MACROD2: variants seen among roughly 807,000 people sequenced by gnomAD.
MACROD2 encodes mono-ADP ribosylhydrolase 2, also known as ADP-ribose glycohydrolase MACROD2.
In MACROD2, 36 loss-of-function variants were observed where a neutral mutation model predicts 70.4. The ratio of observed to expected loss-of-function variants is 0.51; its 90% CI spans 0.39 to 0.68. MACROD2 has a LOEUF of 0.68. Ranked by LOEUF, MACROD2 falls within the 30% of genes least tolerant of loss-of-function variation. MACROD2 has a pLI of 0.00. For missense variants in MACROD2, 496 were observed against 538.4 expected, an observed-to-expected ratio of 0.92 and a Z score of 0.78; for synonymous variants, 172 against 178.8, an observed-to-expected ratio of 0.96 and a Z score of 0.30.
chr20:15,284,839 A>G (rs558957142), intron 6 of MACROD2, among the ~76,000 whole-genome samples: 2 of 152,336 alleles, frequency 1.3e-5, no homozygotes, highest in African/African-American at 4.8e-5. Context: ...TAAAATGGGA[A>G]TAACTATACC....
chr20:14,901,249 G>A (rs1365925694), intron 5 of MACROD2, among the ~76,000 whole-genome samples: 1 of 151,906 alleles, frequency 6.6e-6, no homozygotes, highest in Admixed American at 6.6e-5. Context: ...TAGACAAATT[G>A]TTTGAAGTTT....
chr20:15,769,197 G>A (rs1225751269), intron 8 of MACROD2, among the ~76,000 whole-genome samples: 12 of 152,274 alleles, frequency 7.9e-5, no homozygotes. Context: ...ACCCAGGCTG[G>A]AGTGCAGTGG....
intron 8 of MACROD2, among the ~76,000 whole-genome samples, chr20:15,575,058 T>G (rs990406635): frequency 2.0e-5 from 3 of 152,172 alleles, no homozygotes; most frequent in African/African-American, 4.8e-5. Context: ...TACCACGTCT[T>G]TTACTCATCT....
At chr20:15,278,676 G>T (rs984431689) in intron 6 of MACROD2, among the ~76,000 whole-genome samples, 1 of 152,138 alleles carries the variant, frequency 6.6e-6, no homozygotes, top group Non-Finnish European at 1.5e-5. Flanking sequence ...TAACTCTCTG[G>T]GGAGGGGTGG....
intron 8 of MACROD2, among the ~76,000 whole-genome samples, chr20:15,806,460 T>TTTTGTTG: frequency 6.6e-6 from 1 of 152,282 alleles, no homozygotes; most frequent in South Asian, 2.1e-4. Context: ...AACACAAGGC[T>TTTTGTTG]CCCCTGACTT....
At chr20:14,134,690 A>C (rs2054767772) in intron 3 of MACROD2, among the ~76,000 whole-genome samples, 1 of 149,882 alleles carries the variant, frequency 6.7e-6, no homozygotes, top group South Asian at 2.1e-4. Flanking sequence ...GTGTAGTCCC[A>C]GTTACTCAGG....
At chr20:15,635,612 C>CG (rs1158445119) in intron 8 of MACROD2, among the ~76,000 whole-genome samples, 1 of 151,920 alleles carries the variant, frequency 6.6e-6, no homozygotes, top group Non-Finnish European at 1.5e-5. Flanking sequence ...GGGAGGGGAG[C>CG]GAGGGTTAAA....
intron 5 of MACROD2, among the ~76,000 whole-genome samples, chr20:14,903,774 G>A (rs1487546367): frequency 6.6e-6 from 1 of 152,152 alleles, no homozygotes; most frequent in African/African-American, 2.4e-5. Flanking sequence ...CAGATCTGCT[G>A]CATGTGGTCA....
At chr20:15,595,877 G>A (rs2048740268) in intron 8 of MACROD2, among the ~76,000 whole-genome samples, 2 of 152,140 alleles carry the variant, frequency 1.3e-5, no homozygotes, top group Admixed American at 1.3e-4. Context: ...CTTGAGCTAT[G>A]CCAACGTAAT....
intron 5 of MACROD2, among the ~76,000 whole-genome samples, chr20:15,101,269 T>C (rs977806514): frequency 2.0e-5 from 3 of 152,066 alleles, no homozygotes; most frequent in African/African-American, 7.2e-5. Context: ...ACTGAGCCCT[T>C]TTTGTTTTCT....
intron 5 of MACROD2, among the ~76,000 whole-genome samples, chr20:15,165,464 C>G (rs550509981): frequency 4.3e-4 from 66 of 152,122 alleles, no homozygotes; most frequent in Non-Finnish European, 8.5e-4. Flanking sequence ...TAAAAAAGAA[C>G]AACTAGACAC....
chr20:15,865,612 T>G (rs1188294105), intron 9 of MACROD2, among the ~76,000 whole-genome samples: 1 of 152,172 alleles, frequency 6.6e-6, no homozygotes, highest in South Asian at 2.1e-4. Flanking sequence ...ATAGTCACTC[T>G]CCAGGAAAGC....
chr20:15,609,635 C>T (rs1346442632), intron 8 of MACROD2, among the ~76,000 whole-genome samples: 1 of 152,138 alleles, frequency 6.6e-6, no homozygotes, highest in Non-Finnish European at 1.5e-5. Flanking sequence ...TCAATAATGC[C>T]GGAGGACTGT....
At chr20:15,667,563 A>C (rs1303732527) in intron 8 of MACROD2, among the ~76,000 whole-genome samples, 1 of 152,072 alleles carries the variant, frequency 6.6e-6, no homozygotes, top group Non-Finnish European at 1.5e-5. Flanking sequence ...ATTCATCCCA[A>C]ATGCTTCAAC....
chr20:14,364,256 A>C (rs2122727636), intron 3 of MACROD2, among the ~76,000 whole-genome samples: 1 of 152,310 alleles, frequency 6.6e-6, no homozygotes, highest in East Asian at 1.9e-4. Flanking sequence ...GTTACTGCAA[A>C]GCTTATAGGT....
At chr20:14,594,594 G>A (rs1270868683) in intron 4 of MACROD2, among the ~76,000 whole-genome samples, 1 of 152,092 alleles carries the variant, frequency 6.6e-6, no homozygotes, top group Non-Finnish European at 1.5e-5. Context: ...TTGTGGTTAA[G>A]TTAGAAAATA....
intron 8 of MACROD2, among the ~76,000 whole-genome samples, chr20:15,837,145 G>GA (rs377520157): frequency 1.3e-5 from 2 of 151,456 alleles, no homozygotes; most frequent in African/African-American, 2.4e-5. Context: ...GATAGTAGAC[G>GA]AAAAAAAAGA....
intron 5 of MACROD2, among the ~76,000 whole-genome samples, chr20:14,799,170 A>G (rs1028644187): frequency 3.3e-5 from 5 of 152,054 alleles, no homozygotes; most frequent in African/African-American, 7.2e-5. Flanking sequence ...ATTTTATCCT[A>G]TAAAGATTTC....
intron 5 of MACROD2, among the ~76,000 whole-genome samples, chr20:14,818,905 T>C (rs2072806408): frequency 6.8e-6 from 1 of 147,756 alleles, no homozygotes; most frequent in African/African-American, 2.5e-5. Context: ...ATGGTTACTG[T>C]CTTATTGAAT....
Sources: gnomAD v4.1 joint callset for allele counts (sites outside exome capture counted in the v4.1 genomes callset) on GRCh38, gnomAD v4.1.1 for gene constraint, MANE v1.5 for transcripts, NCBI Gene and HGNC (gene_info 2026-07-23, HGNC 2026-07-21) for gene names.